ZNF169: variants seen among roughly 807,000 people sequenced by gnomAD.
The protein encoded by ZNF169 is zinc finger protein 169.
Under a neutral mutation model 12.0 loss-of-function variants are expected in ZNF169, and 11 were observed. That is an observed-to-expected ratio of 0.92 (90% confidence interval 0.58 to 1.52). The LOEUF (loss-of-function observed/expected upper bound fraction) is 1.52. Ranked by LOEUF, ZNF169 falls within the 40% of genes most tolerant of loss-of-function variation. The pLI is 0.00. For synonymous variants in ZNF169, 302 were observed against 286.5 expected (o/e 1.05, Z -0.55); for missense variants, 722 against 744.0 (o/e 0.97, Z 0.34).
chr9:94,285,339 A>G (rs1417205757), intron 2 of ZNF169, among the ~76,000 whole-genome samples: 1 of 152,242 alleles, frequency 6.6e-6, no homozygotes, highest in Non-Finnish European at 1.5e-5. Flanking sequence ...AAATGAGTGA[A>G]CTAGAAGATA....
At chr9:94,278,974 G>A in intron 2 of ZNF169, 129 bp downstream of exon 2, 1 of 860,630 alleles carries the variant, frequency 1.2e-6, no homozygotes, top group Non-Finnish European at 1.8e-6. Flanking sequence ...CTTATCTGGA[G>A]TTTTCTCTCA....
intron 4 of ZNF169, among the ~76,000 whole-genome samples, chr9:94,297,010 G>A (rs1215297730): frequency 6.6e-6 from 1 of 151,982 alleles, no homozygotes; most frequent in Non-Finnish European, 1.5e-5. Context: ...TCACACTATT[G>A]CACTCCAGCC....
Position 94,300,329 on chromosome 9 carries a change from C to T in ZNF169, c.771C>T (p.Thr257=), listed in dbSNP as rs369076644. 24 of 1,611,130 alleles carry T rather than the reference C, an allele frequency of 1.5e-5. No homozygotes were observed. The highest frequency in any genetic ancestry group is 1.9e-5 in the Non-Finnish European group (22 of 1,179,066). ...TTATCAAGCACCAGAGGACACACAC[C>T]GGGGAGAAGCCATACCTGTGTCCTG... ...SDLIKHQRTH[T]GEKPYLCPEC... is the part of the protein sequence containing the mutation. The change falls in exon 5 of 5, where the codon ACC becomes ACT. Residue 257 remains threonine (T), a synonymous_variant. Coordinates refer to ENST00000395395, the MANE Select transcript of ZNF169 (RefSeq NM_194320.4).
intron 1 of ZNF169, among the ~76,000 whole-genome samples, chr9:94,273,603 A>T: frequency 7.1e-6 from 1 of 140,124 alleles, no homozygotes; most frequent in Non-Finnish European, 1.5e-5. Flanking sequence ...TTTTGAGACA[A>T]GAGTCTTGCT....
rs1475494322 is a variant in ZNF169, at chr9:94,292,446, TA to T, written c.140del (p.Tyr47SerfsTer66). The T allele has an allele frequency of 1.1e-5, 17 of 1,614,076 alleles. No individual in the cohort carries two copies. Among genetic ancestry groups the T allele is most frequent in the Non-Finnish European group, 1.4e-5 (17 of 1,179,932 alleles). Reference sequence around the variant, plus strand: ...GTACAGGGAGGTGATGCTGGAGAACTACAGCCATCTGGTCTCCCTGGGTAAG... The same window carrying T: ...GTACAGGGAGGTGATGCTGGAGAACTCAGCCATCTGGTCTCCCTGGGTAAG... The part of the protein sequence containing the change: ...TLYREVMLEN[Y>X]SHLVSLGIAF... On this transcript the variant is annotated frameshift_variant, in exon 3 of 5. Transcript: ENST00000395395. LOFTEE classifies it high-confidence loss of function.
At chr9:94,267,389 A>T (rs1056370385) in intron 1 of ZNF169, among the ~76,000 whole-genome samples, 1 of 152,232 alleles carries the variant, frequency 6.6e-6, no homozygotes, top group Non-Finnish European at 1.5e-5. Context: ...CATTCCAGTT[A>T]AAGCCTTGGT....
At position 94,285,720 on chromosome 9, in the gene ZNF169, T is replaced by C. The variant is rs1830709464; in HGVS notation, c.34-6621T>C. On this transcript the variant is annotated intron_variant, in intron 2 of 4. Transcript: ENST00000395395. Reference sequence around the variant, plus strand: ...GCCAATGGATTTCTCACAGAACTGATAAGAATTGGCCAGGCACGGTAGCTC... The same window carrying C: ...GCCAATGGATTTCTCACAGAACTGACAAGAATTGGCCAGGCACGGTAGCTC... 2.0e-5 allele frequency among the ~76,000 whole-genome samples: 3 copies of C among 151,994 alleles called. No individual in the cohort carries two copies. In the South Asian group the frequency reaches 6.2e-4, roughly 32 times the overall value.
intron 1 of ZNF169, among the ~76,000 whole-genome samples, chr9:94,267,661 A>G (rs528701851): frequency 2.6e-5 from 4 of 152,200 alleles, no homozygotes; most frequent in Non-Finnish European, 5.9e-5. Context: ...ATTTTAAGCA[A>G]AAATGTCAAA....
At chr9:94,265,567 G>A (rs547329483) in intron 1 of ZNF169, among the ~76,000 whole-genome samples, 54 of 144,030 alleles carry the variant, frequency 3.7e-4, no homozygotes, top group African/African-American at 2.7e-4. Flanking sequence ...GGGACAGAGC[G>A]AGACTCTGTC....
At chr9:94,296,073 T>C (rs550741357) in intron 4 of ZNF169, among the ~76,000 whole-genome samples, 114 of 152,362 alleles carry the variant, frequency 7.5e-4, no homozygotes, top group African/African-American at 2.7e-3. Context: ...GACATTCTTA[T>C]AGCTGTGTAG....
intron 1 of ZNF169, among the ~76,000 whole-genome samples, chr9:94,275,327 TGTAA>T (rs1237903450): frequency 3.9e-5 from 6 of 152,224 alleles, no homozygotes; most frequent in Non-Finnish European, 1.5e-5. Context: ...GTTGAACCAT[TGTAA>T]GTTGGGGACT....
At chr9:94,288,671 A>G in intron 2 of ZNF169, 1 of 351,132 alleles carries the variant, frequency 2.8e-6, no homozygotes, top group South Asian at 2.3e-5. Flanking sequence ...ATAGTTTAAA[A>G]GTATGTAGCA....
intron 4 of ZNF169, among the ~76,000 whole-genome samples, chr9:94,297,420 G>T (rs754618388): frequency 2.0e-5 from 3 of 152,016 alleles, no homozygotes; most frequent in Non-Finnish European, 4.4e-5. Flanking sequence ...GTTTATTGAT[G>T]GTATGTAGAA....
chr9:94,263,310 A>G (rs1311738732), intron 1 of ZNF169, among the ~76,000 whole-genome samples: 1 of 152,172 alleles, frequency 6.6e-6, no homozygotes, highest in Non-Finnish European at 1.5e-5. Flanking sequence ...TTCCTGATGA[A>G]TTGACTGTTT....
intron 1 of ZNF169, among the ~76,000 whole-genome samples, chr9:94,268,563 G>T (rs1280276449): frequency 6.6e-6 from 1 of 152,044 alleles, no homozygotes; most frequent in African/African-American, 2.4e-5. Flanking sequence ...GCTGAGGCAG[G>T]TGGATCATGA....
intron 1 of ZNF169, among the ~76,000 whole-genome samples, chr9:94,271,781 T>C (rs1830429361): frequency 6.6e-6 from 1 of 152,038 alleles, no homozygotes; most frequent in Non-Finnish European, 1.5e-5. Flanking sequence ...TCTCATGTGT[T>C]GCCATATCAT....
At position 94,284,198 on chromosome 9, in the gene ZNF169, G is replaced by A. The variant is rs557535933; in HGVS notation, c.33+5353G>A. On this transcript the variant is annotated intron_variant, in intron 2 of 4. Coordinates refer to ENST00000395395, the MANE Select transcript of ZNF169 (RefSeq NM_194320.4). ...CCAGCACTTTGGGAGGCCAAGGCAGGTGGATCACTTGAGGTAAGGAGTTCA... is the reference window on the plus strand; with the variant it reads ...CCAGCACTTTGGGAGGCCAAGGCAGATGGATCACTTGAGGTAAGGAGTTCA... Among the ~76,000 whole-genome samples the A allele has an allele frequency of 9.9e-4, 151 of 152,146 alleles. No individual in the cohort carries two copies. In the Middle Eastern group the frequency reaches 0.01, roughly 10 times the overall value.
In ZNF169 at chr9:94,300,962, TC is replaced by T. The variant is rs758043536; in HGVS notation, c.1405del (p.Gln469ArgfsTer47). 1 of 1,499,252 alleles carries T rather than the reference TC, an allele frequency of 6.7e-7. No homozygotes were observed. Among genetic ancestry groups the T allele is most frequent in the South Asian group, 1.2e-5 (1 of 83,778 alleles). 92.9% of individuals were successfully genotyped at this position (1,499,252 alleles called of 1,614,324 possible). ...GCCCTGATTGTGGGCGTGGCTTTGG[TC>T]AGAAGGTCACCCTCATCAGACACCA... is the stretch of plus-strand genomic sequence containing the variant. Reference protein sequence around the residue: ...LCPDCGRGFGQKVTLIRHQRT... With the variant: ...LCPDCGRGFGXKVTLIRHQRT... On this transcript the variant is annotated frameshift_variant, in exon 5 of 5. Transcript: ENST00000395395. LOFTEE classifies it low-confidence loss of function (END_TRUNC).
chr9:94,282,742 G>C lies in ZNF169; in HGVS notation c.33+3897G>C, dbSNP rs1028387248. On this transcript the variant is annotated intron_variant, in intron 2 of 4. Coordinates refer to ENST00000395395, the MANE Select transcript of ZNF169 (RefSeq NM_194320.4). Reference sequence around the variant, plus strand: ...ATATTTGTTGTGTACAGGAGACTTTGTTGGTTTAGGAATAATGATACCTAC... The same window carrying C: ...ATATTTGTTGTGTACAGGAGACTTTCTTGGTTTAGGAATAATGATACCTAC... Among the ~76,000 whole-genome samples, 4 of 152,036 alleles carry C rather than the reference G, an allele frequency of 2.6e-5. No individual in the cohort carries two copies. In the South Asian group the frequency reaches 8.3e-4, roughly 32 times the overall value.
Sources: gnomAD v4.1 joint callset for allele counts (sites outside exome capture counted in the v4.1 genomes callset) on GRCh38, gnomAD v4.1.1 for gene constraint, MANE v1.5 for transcripts, NCBI Gene and HGNC (gene_info 2026-07-23, HGNC 2026-07-21) for gene names.